Variants in AKAP13 observed in about 807,000 individuals in gnomAD.
AKAP13 encodes A-kinase anchoring protein 13, also known as A-kinase anchor protein 13.
A neutral mutation model predicts 264.5 loss-of-function variants in AKAP13; 80 were observed. The ratio of observed to expected loss-of-function variants is 0.30; its 90% CI spans 0.25 to 0.36. The LOEUF is 0.36. AKAP13 is among the 10% of genes least tolerant of loss of function. The pLI is 1.00. For synonymous variants in AKAP13, 1,380 were observed against 1,250.2 expected, an observed-to-expected ratio of 1.10 and a Z score of -2.19; for missense variants, 3,712 against 3,435.2, an observed-to-expected ratio of 1.08 and a Z score of -2.01.
chr15:85,498,310 A>C (rs1186417286), intron 2 of AKAP13, among the ~76,000 whole-genome samples: 1 of 151,780 alleles, frequency 6.6e-6, no homozygotes, highest in African/African-American at 2.4e-5. Context: ...GACATAGTGC[A>C]TGTAAAGTTA....
chr15:85,732,457 CATAAT>C (rs55791609), intron 30 of AKAP13, among the ~76,000 whole-genome samples: 69,626 of 148,420 alleles, frequency 0.47, 17,596 homozygotes, highest in Middle Eastern at 0.64. Flanking sequence ...TATTATATAA[CATAAT>C]ATAACATTAT....
At chr15:85,442,838 G>A (rs1030553430) in intron 1 of AKAP13, among the ~76,000 whole-genome samples, 1 of 151,856 alleles carries the variant, frequency 6.6e-6, no homozygotes, top group Non-Finnish European at 1.5e-5. Context: ...TATTTCTCTT[G>A]AGAAGGGAAA....
intron 16 of AKAP13, chr15:85,693,051 G>T: frequency 1.6e-6 from 1 of 616,730 alleles, no homozygotes; most frequent in Non-Finnish European, 2.5e-6. Context: ...GCCACTGCCA[G>T]AACTGTTCCG....
At chr15:85,744,330 C>G in intron 36 of AKAP13, 1 of 365,960 alleles carries the variant, frequency 2.7e-6, no homozygotes, top group Non-Finnish European at 5.0e-6. Flanking sequence ...CTGAATCCTT[C>G]TCTTTAGGAT....
At chr15:85,511,700 C>T (rs2076428368) in intron 2 of AKAP13, among the ~76,000 whole-genome samples, 1 of 152,164 alleles carries the variant, frequency 6.6e-6, no homozygotes, top group Admixed American at 6.5e-5. Context: ...GTGATCATAG[C>T]TCACTTAGTC....
chr15:85,540,314 C>G (rs1277478082), intron 4 of AKAP13, among the ~76,000 whole-genome samples: 1 of 152,164 alleles, frequency 6.6e-6, no homozygotes, highest in Admixed American at 6.5e-5. Flanking sequence ...TCAGAGCCTT[C>G]CAGTTGATGC....
intron 14 of AKAP13, among the ~76,000 whole-genome samples, chr15:85,680,190 A>G (rs1234601996): frequency 1.3e-5 from 2 of 152,166 alleles, no homozygotes; most frequent in African/African-American, 4.8e-5. Context: ...TTACTAGGTA[A>G]TTGCTTAAAT....
At chr15:85,627,668 A>T (rs912137997) in intron 8 of AKAP13, 1 of 152,106 alleles carries the variant, frequency 6.6e-6, no homozygotes, top group Non-Finnish European at 1.5e-5. Context: ...ACATTTCTGG[A>T]TACTGTTGGG....
intron 2 of AKAP13, among the ~76,000 whole-genome samples, chr15:85,504,525 A>C (rs867520170): frequency 6.9e-6 from 1 of 145,828 alleles, no homozygotes; most frequent in Admixed American, 6.9e-5. Flanking sequence ...AAAAAAAAAA[A>C]AAAAAAAAAA....
chr15:85,418,918 T>A (rs975766992), intron 1 of AKAP13, among the ~76,000 whole-genome samples: 1 of 152,198 alleles, frequency 6.6e-6, no homozygotes, highest in Admixed American at 6.5e-5. Context: ...GTATAGATAA[T>A]TAAATTCAGC....
At chr15:85,630,975 CA>C (rs1303076709) in intron 8 of AKAP13, among the ~76,000 whole-genome samples, 1 of 151,820 alleles carries the variant, frequency 6.6e-6, no homozygotes, top group Non-Finnish European at 1.5e-5. Context: ...ATGTTCATAG[CA>C]GCATCATTCG....
At chr15:85,486,400 G>A (rs2075546859) in intron 2 of AKAP13, among the ~76,000 whole-genome samples, 1 of 152,108 alleles carries the variant, frequency 6.6e-6, no homozygotes, top group African/African-American at 2.4e-5. Flanking sequence ...TTACATTTAG[G>A]TATGTAATGT....
At chr15:85,508,117 C>G (rs2076295823) in intron 2 of AKAP13, among the ~76,000 whole-genome samples, 1 of 151,600 alleles carries the variant, frequency 6.6e-6, no homozygotes, top group Non-Finnish European at 1.5e-5. Flanking sequence ...GATGGAGCCT[C>G]TCTTTTCCTC....
At chr15:85,425,887 C>CA (rs1186653572) in intron 1 of AKAP13, among the ~76,000 whole-genome samples, 1 of 150,538 alleles carries the variant, frequency 6.6e-6, no homozygotes, top group African/African-American at 2.4e-5. Context: ...AAAAGATACT[C>CA]AGAAACAAGA....
chr15:85,382,618 G>T (rs1191803031), intron 1 of AKAP13, among the ~76,000 whole-genome samples: 2 of 152,138 alleles, frequency 1.3e-5, no homozygotes, highest in Non-Finnish European at 2.9e-5. Context: ...GGCGGTGATG[G>T]CATGTTATAC....
chr15:85,565,164 G>T (rs1261382040), intron 5 of AKAP13, among the ~76,000 whole-genome samples: 1 of 152,040 alleles, frequency 6.6e-6, no homozygotes, highest in African/African-American at 2.4e-5. Context: ...ATGAAACAAT[G>T]CCTGTACTGC....
At chr15:85,638,856 A>G (rs138559309) in intron 8 of AKAP13, among the ~76,000 whole-genome samples, 76 of 151,960 alleles carry the variant, frequency 5.0e-4, no homozygotes, top group African/African-American at 1.7e-3. Context: ...TCCCGGGTTT[A>G]AGCAATTCTT....
intron 2 of AKAP13, among the ~76,000 whole-genome samples, chr15:85,502,474 T>A (rs529640613): frequency 6.6e-6 from 1 of 152,336 alleles, no homozygotes; most frequent in East Asian, 1.9e-4. Context: ...CAGTTAATAT[T>A]CCTGCACACC....
At chr15:85,731,343 C>G (rs906174669) in intron 30 of AKAP13, among the ~76,000 whole-genome samples, 1 of 152,074 alleles carries the variant, frequency 6.6e-6, no homozygotes, top group Non-Finnish European at 1.5e-5. Flanking sequence ...GGCTTAAGTG[C>G]CTACTCCTAG....
Sources: gnomAD v4.1 joint callset for allele counts (sites outside exome capture counted in the v4.1 genomes callset) on GRCh38, gnomAD v4.1.1 for gene constraint, MANE v1.5 for transcripts, NCBI Gene and HGNC (gene_info 2026-07-23, HGNC 2026-07-21) for gene names.